Variants in CDK13 observed in about 807,000 individuals in gnomAD.
CDK13 encodes the protein cyclin dependent kinase 13, also known as cyclin-dependent kinase 13.
CDK13 carries 40 observed loss-of-function variants against 137.6 expected under a neutral mutation model. That is an observed-to-expected ratio of 0.29 (90% CI 0.23 to 0.38). The LOEUF is 0.38. Ranked by LOEUF, CDK13 falls within the 10% of genes least tolerant of loss-of-function variation. The probability of loss-of-function intolerance (pLI) is 1.00; values close to 1 mark genes in which losing one functional copy is unlikely to be tolerated. For missense variants in CDK13, 1,704 were observed against 1,951.8 expected, an observed-to-expected ratio of 0.87 and a Z score of 2.39; for synonymous variants, 869 against 760.1, an observed-to-expected ratio of 1.14 and a Z score of -2.36.
At chr7:39,974,754 G>A (rs572717939) in intron 1 of CDK13, among the ~76,000 whole-genome samples, 1 of 152,088 alleles carries the variant, frequency 6.6e-6, no homozygotes, top group Admixed American at 6.5e-5. Flanking sequence ...AGTAGAAACA[G>A]GGTTTTGCCA....
intron 5 of CDK13, among the ~76,000 whole-genome samples, chr7:40,027,048 ATTATC>A (rs1310542035): frequency 4.6e-5 from 7 of 152,302 alleles, no homozygotes; most frequent in African/African-American, 1.4e-4. Context: ...TTATTTTAAT[ATTATC>A]TTTTATTAGG....
intron 7 of CDK13, among the ~76,000 whole-genome samples, chr7:40,053,438 A>C: frequency 6.6e-6 from 1 of 152,110 alleles, no homozygotes; most frequent in East Asian, 1.9e-4. Flanking sequence ...TTTCTCCCTT[A>C]TGGTCTTCTC....
chr7:39,957,494 C>G (rs1277482662), intron 1 of CDK13, among the ~76,000 whole-genome samples: 13 of 152,112 alleles, frequency 8.5e-5, no homozygotes, highest in Admixed American at 8.5e-4. Context: ...TTAGTGCAAA[C>G]CAGTCTGCAC....
chr7:40,039,282 AGAGT>A (rs1314027836), intron 5 of CDK13, among the ~76,000 whole-genome samples: 2 of 151,326 alleles, frequency 1.3e-5, no homozygotes, highest in South Asian at 4.2e-4. Flanking sequence ...AGAGAGAGAG[AGAGT>A]GTCTTGCTTT....
In CDK13 at chr7:39,954,185, A is replaced by T. The variant is rs12536531; in HGVS notation, c.1211+2333A>T. Among the ~76,000 whole-genome samples, 595 of 152,306 alleles carry T rather than the reference A, an allele frequency of 3.9e-3. 6 individuals carry two copies. Among genetic ancestry groups the T allele is most frequent in the Admixed American group, 0.011 (162 of 15,288 alleles). On this transcript the variant is annotated intron_variant, in intron 1 of 13. Transcript: ENST00000181839. ...TCATGATTTCTGAGTCTTCTAGACTAAAAAACTCATACGGTTTTCAGATTT... is the reference window on the plus strand; with the variant it reads ...TCATGATTTCTGAGTCTTCTAGACTTAAAAACTCATACGGTTTTCAGATTT...
intron 11 of CDK13, among the ~76,000 whole-genome samples, chr7:40,081,832 G>A (rs578000214): frequency 6.7e-4 from 102 of 152,152 alleles, no homozygotes; most frequent in Middle Eastern, 3.4e-3. Flanking sequence ...GGCTGGTCTC[G>A]AACTCCAGAC....
At chr7:40,028,003 CTTG>C (rs750218909) in intron 5 of CDK13, among the ~76,000 whole-genome samples, 1 of 140,622 alleles carries the variant, frequency 7.1e-6, no homozygotes, top group African/African-American at 2.6e-5. Context: ...AGAAATTAAC[CTTG>C]TTTTTTTTTT....
intron 11 of CDK13, among the ~76,000 whole-genome samples, chr7:40,085,530 C>A (rs1786769626): frequency 6.6e-6 from 1 of 152,116 alleles, no homozygotes; most frequent in African/African-American, 2.4e-5. Context: ...ACTCCAGTTA[C>A]CCCACTGTGC....
At chr7:39,959,081 A>G (rs568047992) in intron 1 of CDK13, among the ~76,000 whole-genome samples, 3 of 151,976 alleles carry the variant, frequency 2.0e-5, no homozygotes, top group South Asian at 2.1e-4. Context: ...GTGAGCCCCT[A>G]TTGGTGCCTG....
At position 39,951,040 on chromosome 7, in the gene CDK13, T is replaced by C. The variant is rs1787155634; in HGVS notation, c.399T>C (p.Gly133=). 7.8e-7 allele frequency: 1 copy of C among 1,288,696 alleles called. No individual in the cohort carries two copies. The highest frequency in any genetic ancestry group is 1.5e-5 in the African/African-American group (1 of 64,616). The allele number at this position is 1,288,696 out of a possible 1,614,324, so 79.8% of individuals were successfully genotyped here. ...AGCCGCAGCAGGACGGCGGTGGCGGTGCTAGTAGCGGCGGGGGTGTGACCC... is the reference window on the plus strand; with the variant it reads ...AGCCGCAGCAGGACGGCGGTGGCGGCGCTAGTAGCGGCGGGGGTGTGACCC... The part of the protein sequence containing the change: ...LPQPQQDGGG[G]ASSGGGVTPL... Residue 133 remains glycine, a synonymous_variant, in exon 1 of 14, where the codon GGT becomes GGC. Transcript: ENST00000181839.
intron 4 of CDK13, among the ~76,000 whole-genome samples, chr7:40,001,614 C>T (rs1784687276): frequency 1.3e-5 from 2 of 152,138 alleles, no homozygotes; most frequent in Non-Finnish European, 2.9e-5. Flanking sequence ...TATATTTGGA[C>T]TTACCTCATT....
At chr7:39,996,760 C>G (rs1784567738) in intron 2 of CDK13, among the ~76,000 whole-genome samples, 1 of 151,804 alleles carries the variant, frequency 6.6e-6, no homozygotes, top group African/African-American at 2.4e-5. Flanking sequence ...GTTGGGAGTT[C>G]AAGACCAGCC....
At chr7:40,062,550 G>C (rs1786178893) in intron 7 of CDK13, 1 of 303,976 alleles carries the variant, frequency 3.3e-6, no homozygotes, top group East Asian at 8.5e-5. Flanking sequence ...AGAGTGCTGG[G>C]ATTACAGGCG....
chr7:40,073,446 A>C (rs1331978493), intron 9 of CDK13, among the ~76,000 whole-genome samples: 1 of 152,150 alleles, frequency 6.6e-6, no homozygotes, highest in African/African-American at 2.4e-5. Flanking sequence ...TCAAGGTTGC[A>C]CTGAGCCTTG....
intron 7 of CDK13, among the ~76,000 whole-genome samples, chr7:40,049,533 T>C (rs1040345309): frequency 6.6e-6 from 1 of 152,158 alleles, no homozygotes; most frequent in East Asian, 1.9e-4. Context: ...GAAATATGTA[T>C]ACATTGTGAA....
At chr7:40,043,029 C>T (rs762148996) in intron 5 of CDK13, among the ~76,000 whole-genome samples, 1 of 152,208 alleles carries the variant, frequency 6.6e-6, no homozygotes, top group Non-Finnish European at 1.5e-5. Context: ...CCTCTCGCCC[C>T]GATCTCCCAA....
intron 5 of CDK13, among the ~76,000 whole-genome samples, chr7:40,033,753 G>C (rs925556275): frequency 2.6e-5 from 4 of 151,690 alleles, no homozygotes; most frequent in African/African-American, 9.7e-5. Flanking sequence ...GTAGAGGGAG[G>C]GAAGTGTTCT....
At chr7:40,068,575 T>C (rs1351281859) in intron 9 of CDK13, among the ~76,000 whole-genome samples, 2 of 151,498 alleles carry the variant, frequency 1.3e-5, no homozygotes, top group African/African-American at 2.4e-5. Context: ...GTGCCTGTAA[T>C]CCCAGCTACT....
At chr7:39,965,247 G>A (rs1783842062) in intron 1 of CDK13, among the ~76,000 whole-genome samples, 1 of 152,126 alleles carries the variant, frequency 6.6e-6, no homozygotes, top group South Asian at 2.1e-4. Context: ...CATTATTTTT[G>A]TGTGGGAGTC....
Sources: allele counts gnomAD v4.1 joint callset (sites outside exome capture counted in the v4.1 genomes callset), GRCh38; gene constraint gnomAD v4.1.1; transcripts MANE v1.5; gene names NCBI Gene and HGNC (gene_info 2026-07-23, HGNC 2026-07-21).